CHD7: variants seen among roughly 807,000 people sequenced by gnomAD.
CHD7 encodes the protein ATP-dependent chromatin remodeler CHD7.
A neutral mutation model predicts 307.3 loss-of-function variants in CHD7; 24 were observed. The observed-to-expected ratio is 0.08, with a 90% CI of 0.06 to 0.11. The LOEUF is 0.11. Among genes scored for constraint, CHD7 ranks in the 10% least tolerant of loss-of-function variants. CHD7 has a pLI of 1.00. For missense variants in CHD7, 3,106 were observed against 3,727.1 expected, an observed-to-expected ratio of 0.83 and a Z score of 4.34; for synonymous variants, 1,363 against 1,349.9, an observed-to-expected ratio of 1.01 and a Z score of -0.21.
rs1007331629 is a variant in CHD7 at position 60,816,318 on chromosome 8, T to G, written c.2499-69T>G. The G allele has an allele frequency of 1.4e-4, 129 of 914,970 alleles. No homozygotes were observed. The African/African-American group carries it at 1.9e-3, about 13-fold the overall frequency. The allele number at this position is 914,970 out of a possible 1,614,324, so 56.7% of individuals were successfully genotyped here. On this transcript the variant is annotated intron_variant, in intron 7 of 37. Transcript: ENST00000423902. Reference sequence around the variant, plus strand: ...TTTAATTATCTGTGTAGTTGACTTTTTTGAATAAGACATAATAAAGGATTA... The same window carrying G: ...TTTAATTATCTGTGTAGTTGACTTTGTTGAATAAGACATAATAAAGGATTA...
chr8:60,841,013 T>G lies in CHD7; in HGVS notation c.4534-631T>G, dbSNP rs1241127907. On this transcript the variant is annotated intron_variant, in intron 19 of 37. Coordinates refer to ENST00000423902, the MANE Select transcript of CHD7 (RefSeq NM_017780.4). ...TTCTTCTGCTGTGTTCTGACCTCCATGCTCCAAGCATTGGTATGACCTTTC... is the reference window on the plus strand; with the variant it reads ...TTCTTCTGCTGTGTTCTGACCTCCAGGCTCCAAGCATTGGTATGACCTTTC... 2.0e-5 allele frequency among the ~76,000 whole-genome samples: 3 copies of G among 152,366 alleles called. No homozygotes were observed. In the East Asian group the frequency reaches 5.8e-4, roughly 29 times the overall value.
At chr8:60,730,434 A>G (rs1808386010) in intron 1 of CHD7, among the ~76,000 whole-genome samples, 1 of 152,258 alleles carries the variant, frequency 6.6e-6, no homozygotes, top group Non-Finnish European at 1.5e-5. Context: ...TTATGGTGGC[A>G]TTGTAGAACC....
chr8:60,694,330 T>C lies in CHD7; in HGVS notation c.-175+15248T>C, dbSNP rs148487991. Among the ~76,000 whole-genome samples, 618 of 152,376 alleles carry C rather than the reference T, an allele frequency of 4.1e-3. 4 individuals carry two copies. The highest frequency in any genetic ancestry group is 0.014 in the African/African-American group (570 of 41,596). On this transcript the variant is annotated intron_variant, in intron 1 of 37. Coordinates refer to ENST00000423902, the MANE Select transcript of CHD7 (RefSeq NM_017780.4). ...GTGAAGGTGTGCAGATGTGAGATTA[T>C]GGCTTTGCTAAGCTCTGTGGGAGAT...
At chr8:60,823,738 T>A in intron 12 of CHD7, 102 bp from the exon 13 acceptor site, 2 of 970,180 alleles carry the variant, frequency 2.1e-6, no homozygotes, top group Non-Finnish European at 3.1e-6. Context: ...AATAAAGAGA[T>A]CTCCAAAGGG....
At position 60,854,558 on chromosome 8, in the gene CHD7, C is replaced by T. The variant is rs112592072; in HGVS notation, c.6936+35C>T. Reference sequence around the variant, plus strand: ...TTTTTGTTGCTGTTGTTTTGCTGACCAAAAAGGATTAGGGTAGAGGAAATC... The same window carrying T: ...TTTTTGTTGCTGTTGTTTTGCTGACTAAAAAGGATTAGGGTAGAGGAAATC... On this transcript the variant is annotated intron_variant, in intron 32 of 37. Transcript: ENST00000423902. 279 of 1,545,608 alleles carry T rather than the reference C, an allele frequency of 1.8e-4. No individual in the cohort carries two copies. In the African/African-American group the frequency reaches 3.1e-3, roughly 17 times the overall value.
chr8:60,814,109 G>A (rs1460475400), intron 7 of CHD7, among the ~76,000 whole-genome samples: 3 of 152,110 alleles, frequency 2.0e-5, no homozygotes, highest in South Asian at 4.1e-4. Flanking sequence ...CAGTTAGGAC[G>A]TTTTCTTGCC....
intron 1 of CHD7, among the ~76,000 whole-genome samples, chr8:60,740,318 A>T (rs1808928229): frequency 6.6e-6 from 1 of 152,226 alleles, no homozygotes; most frequent in South Asian, 2.1e-4. Context: ...AATAATTTTC[A>T]GTTTTGGAGA....
At chr8:60,843,855 C>A (rs1394233479) in intron 21 of CHD7, among the ~76,000 whole-genome samples, 2 of 152,152 alleles carry the variant, frequency 1.3e-5, no homozygotes, top group Non-Finnish European at 2.9e-5. Flanking sequence ...GCAGTGTGTT[C>A]CAAGGCCTAG....
intron 2 of CHD7, among the ~76,000 whole-genome samples, chr8:60,761,030 GAC>G (rs1810169843): frequency 6.6e-6 from 1 of 152,042 alleles, no homozygotes. Flanking sequence ...CTGCTATAAA[GAC>G]ACATGCACAC....
intron 23 of CHD7, among the ~76,000 whole-genome samples, chr8:60,846,885 G>A (rs1266123426): frequency 6.6e-6 from 1 of 152,200 alleles, no homozygotes; most frequent in Non-Finnish European, 1.5e-5. Flanking sequence ...GCCTCAGCTT[G>A]GAAGTCTTCC....
chr8:60,809,698 A>G (rs920241953), intron 7 of CHD7: 14 of 150,362 alleles, frequency 9.3e-5, no homozygotes, highest in Non-Finnish European at 1.9e-4. Context: ...AAAAAAAGAA[A>G]AAAAAGGTTT....
At chr8:60,862,388 G>T (rs1806037811) in intron 36 of CHD7, 52 bp downstream of exon 36, 3 of 1,558,872 alleles carry the variant, frequency 1.9e-6, no homozygotes, top group Non-Finnish European at 1.7e-6. Flanking sequence ...AGCCCAGAAG[G>T]AAGTGTTTTA....
At chr8:60,735,701 T>C (rs993061662) in intron 1 of CHD7, among the ~76,000 whole-genome samples, 2 of 152,214 alleles carry the variant, frequency 1.3e-5, no homozygotes, top group African/African-American at 4.8e-5. Flanking sequence ...AATACTAATC[T>C]CTGAAAGAGG....
intron 1 of CHD7, among the ~76,000 whole-genome samples, chr8:60,696,441 G>A (rs945236199): frequency 1.3e-5 from 2 of 152,162 alleles, no homozygotes; most frequent in African/African-American, 4.8e-5. Context: ...ATGACCACAG[G>A]CCAATTACTT....
At chr8:60,862,973 A>G (rs1806073609) in intron 37 of CHD7, 1 of 236,596 alleles carries the variant, frequency 4.2e-6, no homozygotes. Context: ...GGTGGTTGAG[A>G]TCATTAAGAT....
intron 27 of CHD7, 77 bp downstream of exon 27, chr8:60,851,181 A>G: frequency 1.3e-6 from 2 of 1,482,138 alleles, no homozygotes; most frequent in Admixed American, 2.0e-5. Flanking sequence ...TAAACTTTAT[A>G]GATAATGACC....
intron 2 of CHD7, among the ~76,000 whole-genome samples, chr8:60,773,487 C>T (rs1419220387): frequency 6.6e-6 from 1 of 152,238 alleles, no homozygotes; most frequent in Admixed American, 6.5e-5. Context: ...ATTAGCTCAA[C>T]TCTGTGCCCT....
chr8:60,810,345 G>A (rs1014918245), intron 7 of CHD7, among the ~76,000 whole-genome samples: 1 of 151,540 alleles, frequency 6.6e-6, no homozygotes, highest in Non-Finnish European at 1.5e-5. Context: ...GTTGCTTCTA[G>A]TCCCTCTCAG....
intron 29 of CHD7, 104 bp from the exon 30 acceptor site, chr8:60,852,394 C>A: frequency 7.6e-7 from 1 of 1,318,852 alleles, no homozygotes; most frequent in East Asian, 2.4e-5. Context: ...TCCCCACCCC[C>A]AAATAACTAC....
Sources: allele counts gnomAD v4.1 joint callset (sites outside exome capture counted in the v4.1 genomes callset), GRCh38; gene constraint gnomAD v4.1.1; transcripts MANE v1.5; gene names NCBI Gene and HGNC (gene_info 2026-07-23, HGNC 2026-07-21).